Variants in SAMSN1 observed in about 807,000 individuals in gnomAD.
The protein encoded by SAMSN1 is SAM domain, SH3 domain and nuclear localization signals 1.
A neutral mutation model predicts 42.0 loss-of-function variants in SAMSN1; 31 were observed. The observed-to-expected ratio is 0.74, with a 90% CI of 0.55 to 1.00. SAMSN1 has a LOEUF of 1.00. Ranked by LOEUF, SAMSN1 falls within the 50% of genes least tolerant of loss-of-function variation. SAMSN1 has a pLI of 0.00. For synonymous variants in SAMSN1, 178 were observed against 151.9 expected (o/e 1.17, Z -1.26); for missense variants, 464 against 439.4 (o/e 1.06, Z -0.50).
At chr21:14,626,376 C>G (rs1438658671) in intron 2 of SAMSN1, among the ~76,000 whole-genome samples, 2 of 152,142 alleles carry the variant, frequency 1.3e-5, no homozygotes, top group East Asian at 1.9e-4. Flanking sequence ...TTGCAATCTA[C>G]TCATCTGACA....
intron 1 of SAMSN1, among the ~76,000 whole-genome samples, chr21:14,542,447 C>A (rs1980104328): frequency 6.6e-6 from 1 of 151,896 alleles, no homozygotes; most frequent in South Asian, 2.1e-4. Flanking sequence ...GTAAGCACAG[C>A]AACTGACATG....
intron 1 of SAMSN1, among the ~76,000 whole-genome samples, chr21:14,522,367 C>T (rs551179983): frequency 6.6e-6 from 1 of 152,242 alleles, no homozygotes; most frequent in African/African-American, 2.4e-5. Flanking sequence ...ATGTTGGGTT[C>T]TTTGTGTACT....
chr21:14,527,651 T>G (rs1978952501), intron 1 of SAMSN1, among the ~76,000 whole-genome samples: 1 of 151,960 alleles, frequency 6.6e-6, no homozygotes, highest in Non-Finnish European at 1.5e-5. Context: ...CAATGTTTTG[T>G]CAAAATTTCC....
At chr21:14,527,488 G>T (rs990172026) in intron 1 of SAMSN1, among the ~76,000 whole-genome samples, 3 of 152,148 alleles carry the variant, frequency 2.0e-5, no homozygotes, top group African/African-American at 7.2e-5. Context: ...GCAACCCAAA[G>T]CTCAAACATA....
At chr21:14,536,309 A>G (rs942562616) in intron 1 of SAMSN1, among the ~76,000 whole-genome samples, 1 of 152,230 alleles carries the variant, frequency 6.6e-6, no homozygotes, top group African/African-American at 2.4e-5. Context: ...GACTAAAGAG[A>G]TAAGTGTGTG....
chr21:14,619,715 CTT>C (rs1982950215), intron 2 of SAMSN1: 1 of 280,802 alleles, frequency 3.6e-6, no homozygotes, highest in South Asian at 3.4e-5. Flanking sequence ...ATAATACACA[CTT>C]ATTTATTAAA....
At position 14,619,677 on chromosome 21, in the gene SAMSN1, A is replaced by G. The variant is rs368388482; in HGVS notation, c.157-3661T>C. On this transcript the variant is annotated intron_variant, in intron 2 of 15. Transcript: ENST00000647101. The stretch of plus-strand genomic sequence containing the variant: ...CACAAAGTTCATGGCTGATATTCCT[A>G]TAACAAAAGAGAGATTAGCAAGATA... 134 of 325,880 alleles carry G rather than the reference A, an allele frequency of 4.1e-4. 1 individual carries two copies. The highest frequency in any genetic ancestry group is 3.1e-3 in the South Asian group (117 of 37,306). 20.2% of individuals were successfully genotyped at this position (325,880 alleles called of 1,614,324 possible).
chr21:14,491,278 T>C (rs79405331), intron 7 of SAMSN1, among the ~76,000 whole-genome samples: 14,875 of 151,986 alleles, frequency 0.098, 976 homozygotes, highest in Non-Finnish European at 0.14. Flanking sequence ...CTTTTTTTTT[T>C]TTTAAGAGAG....
At chr21:14,527,316 G>A (rs1259508574) in intron 1 of SAMSN1, among the ~76,000 whole-genome samples, 1 of 152,180 alleles carries the variant, frequency 6.6e-6, no homozygotes, top group Non-Finnish European at 1.5e-5. Flanking sequence ...TTGAAGAGGT[G>A]AAACAAATTT....
At chr21:14,606,347 C>A (rs896614302) in intron 5 of SAMSN1, among the ~76,000 whole-genome samples, 4 of 151,886 alleles carry the variant, frequency 2.6e-5, no homozygotes, top group African/African-American at 9.7e-5. Flanking sequence ...TGTTTTGTTT[C>A]CTTTTTATTA....
intron 2 of SAMSN1, among the ~76,000 whole-genome samples, chr21:14,519,963 T>C (rs891529711): frequency 5.3e-5 from 8 of 152,236 alleles, no homozygotes; most frequent in East Asian, 1.9e-4. Flanking sequence ...TCTGCCTTTG[T>C]CATTTACTCA....
chr21:14,576,409 T>TGTCTGTCTCCAGTTACCTC (rs1981466166), intron 2 of SAMSN1, among the ~76,000 whole-genome samples: 1 of 152,174 alleles, frequency 6.6e-6, no homozygotes, highest in African/African-American at 2.4e-5. Flanking sequence ...CCGGTTAAGC[T>TGTCTGTCTCCAGTTACCTC]GTCTGTCTCC....
rs1600890017 is a variant in SAMSN1, at chr21:14,521,282, A to G, written c.58-61T>C. 5 of 1,101,770 alleles carry G rather than the reference A, an allele frequency of 4.5e-6. No individual in the cohort carries two copies. In the East Asian group the frequency reaches 1.2e-4, roughly 27 times the overall value. 68.2% of individuals were successfully genotyped at this position (1,101,770 alleles called of 1,614,324 possible). On this transcript the variant is annotated intron_variant, in intron 1 of 7. Coordinates refer to ENST00000400566, the MANE Select transcript of SAMSN1 (RefSeq NM_022136.5). ...GAATTTATTTTCACTGTCCAAACTG[A>G]TAAGTATATTAGATTATAGTTTAAT...
chr21:14,500,480 G>T, intron 6 of SAMSN1, 49 bp downstream of exon 6: 2 of 1,499,746 alleles, frequency 1.3e-6, no homozygotes, highest in Non-Finnish European at 1.9e-6. Flanking sequence ...TCCCTTCGGT[G>T]TTTCCATTTA....
chr21:14,508,811 C>T (rs1987543100), intron 5 of SAMSN1, among the ~76,000 whole-genome samples: 1 of 152,162 alleles, frequency 6.6e-6, no homozygotes, highest in African/African-American at 2.4e-5. Flanking sequence ...ACCCAAATGA[C>T]CATCAATCAG....
chr21:14,528,894 T>C (rs1470443935), intron 1 of SAMSN1, among the ~76,000 whole-genome samples: 2 of 152,154 alleles, frequency 1.3e-5, no homozygotes, highest in Non-Finnish European at 2.9e-5. Context: ...ATGCTATTTA[T>C]CCGTAATTAT....
intron 2 of SAMSN1, among the ~76,000 whole-genome samples, chr21:14,630,288 T>C (rs541506636): frequency 6.6e-6 from 1 of 152,238 alleles, no homozygotes; most frequent in South Asian, 2.1e-4. Context: ...AAACAATCCA[T>C]GCTTCCTGAT....
chr21:14,636,041 A>G (rs939102963), intron 2 of SAMSN1, among the ~76,000 whole-genome samples: 28 of 152,104 alleles, frequency 1.8e-4, no homozygotes, highest in African/African-American at 6.5e-4. Context: ...ATTCCCACCT[A>G]TGAGTGAGAA....
intron 2 of SAMSN1, among the ~76,000 whole-genome samples, chr21:14,565,057 G>A (rs191296181): frequency 1.3e-5 from 2 of 152,120 alleles, no homozygotes; most frequent in South Asian, 2.1e-4. Flanking sequence ...CACTTTGGGA[G>A]GCTGAGGTGG....
Sources: gnomAD v4.1 joint callset for allele counts (sites outside exome capture counted in the v4.1 genomes callset) on GRCh38, gnomAD v4.1.1 for gene constraint, MANE v1.5 for transcripts, NCBI Gene and HGNC (gene_info 2026-07-23, HGNC 2026-07-21) for gene names.